Variants in PRLR observed in about 807,000 individuals in gnomAD.
PRLR encodes the protein prolactin receptor, also known as hPRL receptor.
Under a neutral mutation model 40.2 loss-of-function variants are expected in PRLR, and 13 were observed. That is an observed-to-expected ratio of 0.32 (90% confidence interval 0.21 to 0.51). The LOEUF is 0.51. PRLR is among the 20% of genes least tolerant of loss of function. The pLI, the probability that PRLR is intolerant of heterozygous loss-of-function variation, is 0.97. For missense variants in PRLR, 656 were observed against 747.3 expected, an observed-to-expected ratio of 0.88 and a Z score of 1.42; for synonymous variants, 269 against 278.7, an observed-to-expected ratio of 0.97 and a Z score of 0.35.
Position 35,089,536 on chromosome 5 carries a change from T to C in PRLR, c.70+15A>G, listed in dbSNP as rs148418873. The C allele has an allele frequency of 2.6e-5, 40 of 1,568,182 alleles. No homozygotes were observed. In the African/African-American group the frequency reaches 3.1e-4, roughly 12 times the overall value. ...CCCCAGGCAATGAAAGAGAGCGTGA[T>C]AGCCTCTTACTTACCATTCAGAAGG... On this transcript the variant is annotated intron_variant, in intron 3 of 9. Coordinates refer to ENST00000618457, the MANE Select transcript of PRLR (RefSeq NM_000949.7).
intron 1 of PRLR, among the ~76,000 whole-genome samples, chr5:35,200,766 A>G (rs2111606024): frequency 6.6e-6 from 1 of 152,292 alleles, no homozygotes; most frequent in East Asian, 1.9e-4. Context: ...GCCTGACTGA[A>G]TCTTCCCCTG....
intron 2 of PRLR, among the ~76,000 whole-genome samples, chr5:35,114,708 T>A (rs1772902827): frequency 6.6e-6 from 1 of 152,160 alleles, no homozygotes; most frequent in South Asian, 2.1e-4. Context: ...TCTGAGTCCC[T>A]CTTGCCTCAG....
Position 35,064,863 on chromosome 5 carries a change from T to C in PRLR, c.*226A>G. On this transcript the variant is annotated 3_prime_UTR_variant, in exon 10 of 10. Coordinates refer to ENST00000618457, the MANE Select transcript of PRLR (RefSeq NM_000949.7). Reference sequence around the variant, plus strand: ...TTTTATTTCATTGAACACATAGTTTTATAACTAACAGCAAAAAGTAAATCT... The same window carrying C: ...TTTTATTTCATTGAACACATAGTTTCATAACTAACAGCAAAAAGTAAATCT... 1.3e-5 allele frequency: 7 copies of C among 559,452 alleles called. No individual in the cohort carries two copies. The South Asian group carries it at 1.5e-4, about 12-fold the overall frequency. The allele number at this position is 559,452 out of a possible 1,614,324, so 34.7% of individuals were successfully genotyped here.
At position 35,076,123 on chromosome 5, in the gene PRLR, A is replaced by G. The variant is rs191443523; in HGVS notation, c.374-3379T>C. 2.8e-4 allele frequency among the ~76,000 whole-genome samples: 43 copies of G among 152,350 alleles called. No homozygotes were observed. The East Asian group carries it at 7.7e-3, about 27-fold the overall frequency. On this transcript the variant is annotated intron_variant, in intron 5 of 9. Transcript: ENST00000618457. ...AGAAAAGCTGAACATTTTAAAAATC[A>G]GAGCACCTCTTCTCCTCCAAAGGAA...
intron 5 of PRLR, among the ~76,000 whole-genome samples, chr5:35,080,354 A>G (rs1411721737): frequency 1.3e-5 from 2 of 152,214 alleles, no homozygotes; most frequent in East Asian, 3.8e-4. Context: ...AAAAAAATCA[A>G]ACAACCCCAT....
chr5:35,138,517 C>T (rs2962113), intron 1 of PRLR, among the ~76,000 whole-genome samples: 31,680 of 152,012 alleles, frequency 0.21, 5,977 homozygotes, highest in African/African-American at 0.5. Context: ...GGACATGCTT[C>T]AAAATGATGC....
At chr5:35,217,682 C>T (rs1416052502) in intron 1 of PRLR, among the ~76,000 whole-genome samples, 1 of 152,076 alleles carries the variant, frequency 6.6e-6, no homozygotes, top group Non-Finnish European at 1.5e-5. Context: ...TCTTTTATAT[C>T]TTTGAATTTT....
chr5:35,188,628 G>C (rs1775512730), intron 1 of PRLR, among the ~76,000 whole-genome samples: 1 of 152,206 alleles, frequency 6.6e-6, no homozygotes, highest in African/African-American at 2.4e-5. Flanking sequence ...TCTACTCCTT[G>C]CACCTTTTAG....
At chr5:35,218,390 T>C (rs543773904) in intron 1 of PRLR, among the ~76,000 whole-genome samples, 1 of 152,248 alleles carries the variant, frequency 6.6e-6, no homozygotes, top group East Asian at 1.9e-4. Context: ...AATTGCATCT[T>C]ATATAATTAA....
At chr5:35,226,859 G>T (rs577737027) in intron 1 of PRLR, among the ~76,000 whole-genome samples, 1 of 152,204 alleles carries the variant, frequency 6.6e-6, no homozygotes, top group Admixed American at 6.5e-5. Context: ...CAAGGGCTGG[G>T]ATCCTGTGTG....
At chr5:35,114,420 T>C (rs79871744) in intron 2 of PRLR, among the ~76,000 whole-genome samples, 4,290 of 152,330 alleles carry the variant, frequency 0.028, 102 homozygotes, top group Middle Eastern at 0.1. Flanking sequence ...CAAAGTGCTA[T>C]TGAAGCGTGA....
rs573772007 is a variant in PRLR, at chr5:35,127,934, G to T, written c.-105-9812C>A. On this transcript the variant is annotated intron_variant, in intron 1 of 9. Coordinates refer to ENST00000618457, the MANE Select transcript of PRLR (RefSeq NM_000949.7). ...GTTCTAAAATTAGATTATAGTGATGGTTGCACAACTGTAAATACAGATGGT... is the reference window on the plus strand; with the variant it reads ...GTTCTAAAATTAGATTATAGTGATGTTTGCACAACTGTAAATACAGATGGT... Among the ~76,000 whole-genome samples the T allele has an allele frequency of 3.3e-5, 5 of 152,118 alleles. 1 individual carries two copies. Among genetic ancestry groups the T allele is most frequent in the South Asian group, 2.1e-4 (1 of 4,820 alleles).
chr5:35,090,322 T>C (rs1307166769), intron 2 of PRLR, among the ~76,000 whole-genome samples: 1 of 152,112 alleles, frequency 6.6e-6, no homozygotes, highest in Non-Finnish European at 1.5e-5. Flanking sequence ...GGGTTCAGAG[T>C]ATTAAGTAAA....
At chr5:35,222,503 T>C (rs975513656) in intron 1 of PRLR, among the ~76,000 whole-genome samples, 4 of 152,036 alleles carry the variant, frequency 2.6e-5, no homozygotes, top group African/African-American at 4.8e-5. Flanking sequence ...AAACTATAAA[T>C]ATGCAAGGCC....
Position 35,072,575 on chromosome 5 carries a change from C to A in PRLR, c.543G>T (p.Glu181Asp). 6.2e-7 allele frequency: 1 copy of A among 1,613,576 alleles called. No individual in the cohort carries two copies. The highest frequency in any genetic ancestry group is 8.5e-7 in the Non-Finnish European group (1 of 1,179,730). Residue 181 changes from glutamate (E) to aspartate (D), a missense_variant and splice_region_variant, in exon 6 of 10, where the codon GAG becomes GAT. Glu to Asp is a conservative substitution (Grantham distance 45). This residue lies in a region of PRLR where 180 missense variants were observed against 236.8 expected (regional missense o/e 0.76). Transcript: ENST00000618457. ...RLKPEKAAEW[E>D]IHFAGQQTEF... The stretch of plus-strand genomic sequence containing the variant: ...TTCAAAAAGCATATGGATCACTCAC[C>A]TCCCACTCAGCTGCTTTCTCGGGTT...
intron 2 of PRLR, among the ~76,000 whole-genome samples, chr5:35,100,545 G>A (rs1235133742): frequency 6.6e-6 from 1 of 152,104 alleles, no homozygotes; most frequent in Non-Finnish European, 1.5e-5. Flanking sequence ...GTAGTATTCG[G>A]TAAAGTAAAA....
intron 1 of PRLR, among the ~76,000 whole-genome samples, chr5:35,154,221 A>C (rs1774422624): frequency 6.6e-6 from 1 of 152,200 alleles, no homozygotes. Flanking sequence ...TCAGAGGCAA[A>C]GGTATCTGAC....
intron 1 of PRLR, among the ~76,000 whole-genome samples, chr5:35,167,364 G>A (rs1380662780): frequency 6.6e-6 from 1 of 152,068 alleles, no homozygotes; most frequent in Non-Finnish European, 1.5e-5. Flanking sequence ...ATTTGAGACA[G>A]TGTCACTGGG....
chr5:35,141,055 A>G lies in PRLR; in HGVS notation c.-105-22933T>C, dbSNP rs532810521. On this transcript the variant is annotated intron_variant, in intron 1 of 9. Transcript: ENST00000618457. ...ACTAAGCCAATTCAGCTGGCCCTTG[A>G]TTTTGCCTTTTTTGCTATCTTTCTT... Among the ~76,000 whole-genome samples, 307 of 152,152 alleles carry G rather than the reference A, an allele frequency of 2.0e-3. 3 individuals carry two copies. The highest frequency in any genetic ancestry group is 4.2e-3 in the South Asian group (20 of 4,808).
Sources: allele counts gnomAD v4.1 joint callset (sites outside exome capture counted in the v4.1 genomes callset), GRCh38; gene constraint gnomAD v4.1.1; regional missense constraint gnomAD v4.1.1; transcripts MANE v1.5; gene names NCBI Gene and HGNC (gene_info 2026-07-23, HGNC 2026-07-21).